CLECL1: variants seen among roughly 807,000 people sequenced by gnomAD.
CLECL1 encodes C-type lectin like 1, also known as C-type lectin-like domain family 1.
At chr12:9,717,324 T>C (rs10772071) in intron 2 of CLECL1, among the ~76,000 whole-genome samples, 44,028 of 151,902 alleles carry the variant, frequency 0.29, 6,839 homozygotes, top group South Asian at 0.46. Context: ...AACCCCGTAG[T>C]AGTCCAGGCA....
intron 1 of CLECL1, among the ~76,000 whole-genome samples, chr12:9,732,388 G>A (rs1380050035): frequency 6.6e-6 from 1 of 152,136 alleles, no homozygotes; most frequent in East Asian, 1.9e-4. Flanking sequence ...GGTGATGAAG[G>A]CACCATGTTA....
rs1321763536 is a variant in CLECL1 at position 9,731,644 on chromosome 12, T to C, written n.82+1305A>G. ...TATACAGCACAAGAACAATATGATA[T>C]TTGACTTCTGGTCATAAGCATGACT... is the stretch of plus-strand genomic sequence containing the variant. On this transcript the variant is annotated intron_variant and non_coding_transcript_variant, in intron 1 of 3. Coordinates refer to ENST00000621400, the Ensembl canonical transcript of CLECL1. Among the ~76,000 whole-genome samples the C allele has an allele frequency of 3.9e-5, 6 of 152,230 alleles. No homozygotes were observed. The East Asian group carries it at 1.2e-3, about 29-fold the overall frequency.
At chr12:9,721,523 A>T (rs1014579220), downstream of CLECL1, among the ~76,000 whole-genome samples, 2 of 152,228 alleles carry the variant, frequency 1.3e-5, no homozygotes, top group African/African-American at 4.8e-5. Flanking sequence ...GTGTTGTCTT[A>T]GATCACCGTT....
At chr12:9,729,643 C>T (rs1866422181) in exon 2 of CLECL1, among the ~76,000 whole-genome samples, 1 of 152,162 alleles carries the variant, frequency 6.6e-6, no homozygotes, top group Non-Finnish European at 1.5e-5. Flanking sequence ...TATTGCACAT[C>T]CAACGTTAAG....
chr12:9,726,715 T>C (rs914397359), intron 3 of CLECL1, among the ~76,000 whole-genome samples: 2 of 151,922 alleles, frequency 1.3e-5, no homozygotes, highest in African/African-American at 4.8e-5. Flanking sequence ...TCTATAACAA[T>C]AGAATAAGGG....
At chr12:9,716,672 C>T (rs2121037925) in exon 3 of CLECL1, 1 of 662,710 alleles carries the variant, frequency 1.5e-6, no homozygotes, top group Admixed American at 4.2e-5. Flanking sequence ...GAGGCCTCTT[C>T]CTAAGAAGAC....
At chr12:9,723,740 C>T (rs975303100) in intron 3 of CLECL1, among the ~76,000 whole-genome samples, 6 of 152,114 alleles carry the variant, frequency 3.9e-5, no homozygotes, top group Non-Finnish European at 5.9e-5. Flanking sequence ...AGGGGGTGCT[C>T]TAACTTGTGT....
intron 3 of CLECL1, among the ~76,000 whole-genome samples, chr12:9,724,163 A>C (rs1297353459): frequency 1.3e-5 from 2 of 149,164 alleles, no homozygotes; most frequent in Admixed American, 6.7e-5. Context: ...CACTCCAGCC[A>C]GGGTGACAAA....
chr12:9,722,159 GTCC>G (rs1866321132), downstream of CLECL1, among the ~76,000 whole-genome samples: 1 of 152,188 alleles, frequency 6.6e-6, no homozygotes, highest in Admixed American at 6.5e-5. Context: ...TTAAAATAGT[GTCC>G]AACCTCCATT....
the CLECL1 span, among the ~76,000 whole-genome samples, chr12:9,709,674 A>G: frequency 1.3e-5 from 2 of 152,328 alleles, no homozygotes; most frequent in South Asian, 4.1e-4. Context: ...GAAGGGGACG[A>G]ATATTCTCCA....
chr12:9,708,490 A>G, the CLECL1 span, among the ~76,000 whole-genome samples: 4 of 152,140 alleles, frequency 2.6e-5, no homozygotes, highest in African/African-American at 7.2e-5. Flanking sequence ...AGGTCCTAAA[A>G]AGGAAAACCA....
chr12:9,714,115 T>A (rs1866217373), downstream of CLECL1, among the ~76,000 whole-genome samples: 1 of 152,254 alleles, frequency 6.6e-6, no homozygotes, highest in Admixed American at 6.5e-5. Flanking sequence ...TCAACTGGTT[T>A]TATTAGTAAT....
rs1239911779 is a variant in CLECL1 at position 9,722,757 on chromosome 12, G to A, written n.319C>T. On this transcript the variant is annotated non_coding_transcript_exon_variant, in exon 4 of 4. Transcript: ENST00000621400. ...GCAATCCAGTAACATTTTCCCTTAT[G>A]CACCTTCCAGTCTTTGGCAGGACAT... 3.1e-6 allele frequency: 5 copies of A among 1,613,726 alleles called. No homozygotes were observed. The African/African-American group carries it at 4.0e-5, about 13-fold the overall frequency.
At chr12:9,722,643 C>G (rs746249342), downstream of CLECL1, 1 of 1,612,512 alleles carries the variant, frequency 6.2e-7, no homozygotes. Context: ...TTAAATCTCA[C>G]CATAGCAGTA....
intron 2 of CLECL1, among the ~76,000 whole-genome samples, chr12:9,729,168 A>C (rs1370538480): frequency 6.6e-6 from 1 of 152,124 alleles, no homozygotes; most frequent in Non-Finnish European, 1.5e-5. Context: ...GATTTATTTT[A>C]GACAAATTTC....
intron 3 of CLECL1, among the ~76,000 whole-genome samples, chr12:9,727,339 A>G (rs1378442716): frequency 6.6e-6 from 1 of 151,838 alleles, no homozygotes; most frequent in Non-Finnish European, 1.5e-5. Flanking sequence ...ATACTTTTAA[A>G]TTCATTTAAA....
At chr12:9,702,998 T>A in the CLECL1 span, among the ~76,000 whole-genome samples, 1 of 152,210 alleles carries the variant, frequency 6.6e-6, no homozygotes, top group African/African-American at 2.4e-5. Flanking sequence ...ACTAAACTAG[T>A]AGACAACCCA....
At chr12:9,709,380 G>C in the CLECL1 span, 3 of 152,474 alleles carry the variant, frequency 2.0e-5, no homozygotes, top group Non-Finnish European at 4.4e-5. Flanking sequence ...ACAAGCCCCA[G>C]TCTCACTCCT....
chr12:9,708,761 CAG>C, the CLECL1 span: 2 of 164,494 alleles, frequency 1.2e-5, no homozygotes, highest in Non-Finnish European at 2.6e-5. Flanking sequence ...CACTGGGTCT[CAG>C]GGACAAAAGG....
Sources: gnomAD v4.1 joint callset for allele counts (sites outside exome capture counted in the v4.1 genomes callset) on GRCh38, gnomAD v4.1.1 for gene constraint, MANE v1.5 for transcripts, NCBI Gene and HGNC (gene_info 2026-07-23, HGNC 2026-07-21) for gene names.